Variants in COL5A2 observed in about 807,000 individuals in gnomAD.
COL5A2 encodes the protein collagen type V alpha 2 chain.
COL5A2 carries 23 observed loss-of-function variants against 208.2 expected under a neutral mutation model. The observed-to-expected ratio is 0.11, with a 90% CI of 0.08 to 0.16. The LOEUF is 0.16. Among genes scored for constraint, COL5A2 ranks in the 10% least tolerant of loss-of-function variants. COL5A2 has a pLI of 1.00. For synonymous variants in COL5A2, 625 were observed against 628.5 expected (o/e 0.99, Z 0.08); for missense variants, 1,590 against 1,956.4 (o/e 0.81, Z 3.53).
chr2:189,110,298 G>A lies in COL5A2; in HGVS notation c.249C>T (p.Ala83=), dbSNP rs142388534. ...ATTCCCCAGGGGGCGTTACAGGGTC[G>A]GCACAGTCCAGCACATCCTGGCATT... ...KIECQDVLDC[A]DPVTPPGECC... The change falls in exon 2 of 54, where the codon GCC becomes GCT. Residue 83 remains alanine (A), a synonymous_variant. Coordinates refer to ENST00000374866, the MANE Select transcript of COL5A2 (RefSeq NM_000393.5). The A allele has an allele frequency of 1.3e-3, 2,167 of 1,614,060 alleles. 22 individuals carry two copies. In the African/African-American group the frequency reaches 0.022, roughly 17 times the overall value.
the COL5A2 span, among the ~76,000 whole-genome samples, chr2:189,396,593 G>T: frequency 2.0e-5 from 3 of 151,062 alleles, no homozygotes; most frequent in Admixed American, 2.0e-4. Context: ...AGAATGGCGT[G>T]AACCCGGGAG....
chr2:189,189,069 C>T (rs1688891696), intron 1 of COL5A2, among the ~76,000 whole-genome samples: 1 of 152,096 alleles, frequency 6.6e-6, no homozygotes, highest in Non-Finnish European at 1.5e-5. Flanking sequence ...GAGAGAAAAA[C>T]AGAATTTTAT....
intron 1 of COL5A2, among the ~76,000 whole-genome samples, chr2:189,210,505 C>T (rs954557434): frequency 6.8e-6 from 1 of 147,434 alleles, no homozygotes; most frequent in African/African-American, 2.5e-5. Flanking sequence ...GAATTTCTGA[C>T]TCACCAGAAT....
chr2:189,257,017 T>C, the COL5A2 span, among the ~76,000 whole-genome samples: 3 of 152,244 alleles, frequency 2.0e-5, no homozygotes, highest in African/African-American at 7.2e-5. Context: ...TTGCAAGGTT[T>C]CCTATTATAA....
chr2:189,252,355 A>T, the COL5A2 span, among the ~76,000 whole-genome samples: 1 of 152,252 alleles, frequency 6.6e-6, no homozygotes, highest in South Asian at 2.1e-4. Context: ...AAGACTTGGA[A>T]CCAATCCAAA....
chr2:189,245,398 T>C, the COL5A2 span, among the ~76,000 whole-genome samples: 1 of 152,182 alleles, frequency 6.6e-6, no homozygotes, highest in Non-Finnish European at 1.5e-5. Flanking sequence ...AACTTAGTGA[T>C]AGTTAATTTA....
At chr2:189,318,436 T>G in the COL5A2 span, among the ~76,000 whole-genome samples, 1 of 152,178 alleles carries the variant, frequency 6.6e-6, no homozygotes, top group South Asian at 2.1e-4. Context: ...TCCCTCTACA[T>G]GCCTTATTCT....
At chr2:189,408,225 T>C in the COL5A2 span, among the ~76,000 whole-genome samples, 1 of 152,090 alleles carries the variant, frequency 6.6e-6, no homozygotes, top group Non-Finnish European at 1.5e-5. Flanking sequence ...AAAACTTCAG[T>C]AAAAATAATA....
intron 46 of COL5A2, 117 bp downstream of exon 46, chr2:189,045,683 T>G: frequency 4.9e-6 from 4 of 824,110 alleles, no homozygotes; most frequent in Non-Finnish European, 8.3e-6. Context: ...TACCATTCAT[T>G]ATTTAGAGTC....
the COL5A2 span, among the ~76,000 whole-genome samples, chr2:189,325,951 G>T: frequency 6.6e-6 from 1 of 151,976 alleles, no homozygotes; most frequent in Admixed American, 6.6e-5. Context: ...ACAAAAATTA[G>T]TCCGGCATAG....
chr2:189,208,691 G>A (rs1417617867), intron 1 of COL5A2, among the ~76,000 whole-genome samples: 1 of 152,204 alleles, frequency 6.6e-6, no homozygotes, highest in East Asian at 1.9e-4. Flanking sequence ...AGAAGCCACT[G>A]GATGTGAAAG....
Position 189,033,303 on chromosome 2 carries a change from T to C in COL5A2, c.*767A>G, listed in dbSNP as rs1287206760. 6.5e-6 allele frequency: 1 copy of C among 152,712 alleles called. No individual in the cohort carries two copies. The highest frequency in any genetic ancestry group is 1.5e-5 in the Non-Finnish European group (1 of 68,094). 9.5% of individuals were successfully genotyped at this position (152,712 alleles called of 1,614,324 possible). A position where few individuals can be genotyped will look rare whatever the true frequency, so the allele number is the denominator to read the frequency against. The stretch of plus-strand genomic sequence containing the variant: ...AAATGGTATATACTAGTGTGACTTC[T>C]ATCAATATTGATAGATTGATCAAGA... On this transcript the variant is annotated 3_prime_UTR_variant, in exon 54 of 54. Transcript: ENST00000374866.
At chr2:189,067,232 G>A (rs1266680092) in intron 21 of COL5A2, among the ~76,000 whole-genome samples, 5 of 151,984 alleles carry the variant, frequency 3.3e-5, no homozygotes, top group Admixed American at 3.3e-4. Flanking sequence ...CTTCAAATAG[G>A]GCATTTCACT....
upstream of COL5A2, among the ~76,000 whole-genome samples, chr2:189,227,033 C>T (rs1283796844): frequency 6.6e-6 from 1 of 152,154 alleles, no homozygotes; most frequent in Non-Finnish European, 1.5e-5. Context: ...GAAATCTACA[C>T]ATGCAAAGCC....
chr2:189,352,523 T>C, the COL5A2 span, among the ~76,000 whole-genome samples: 1 of 152,234 alleles, frequency 6.6e-6, no homozygotes, highest in Non-Finnish European at 1.5e-5. Context: ...CATTGTGATT[T>C]TGATTTGCAT....
chr2:189,287,862 T>C, the COL5A2 span, among the ~76,000 whole-genome samples: 1 of 152,218 alleles, frequency 6.6e-6, no homozygotes, highest in South Asian at 2.1e-4. Context: ...AAATCCACTT[T>C]GGTTTTATCT....
At chr2:189,303,674 G>C in the COL5A2 span, among the ~76,000 whole-genome samples, 1 of 152,162 alleles carries the variant, frequency 6.6e-6, no homozygotes, top group African/African-American at 2.4e-5. Context: ...AACAATAGCT[G>C]AGTGTTGGCC....
chr2:189,096,206 G>A lies in COL5A2; in HGVS notation c.456+1071C>T, dbSNP rs574767019. On this transcript the variant is annotated intron_variant, in intron 6 of 53. Transcript: ENST00000374866. ...TCTTCTAATCCTCCCATTTAAATAT[G>A]GATAAATATATATTTAAAAGGATAA... The A allele has an allele frequency of 1.2e-4, 18 of 151,704 alleles. No homozygotes were observed. The South Asian group carries it at 2.7e-3, about 23-fold the overall frequency. 9.4% of individuals were successfully genotyped at this position (151,704 alleles called of 1,614,324 possible). A position where few individuals can be genotyped will look rare whatever the true frequency, so the allele number is the denominator to read the frequency against.
At chr2:189,346,297 A>G in the COL5A2 span, among the ~76,000 whole-genome samples, 2 of 152,316 alleles carry the variant, frequency 1.3e-5, no homozygotes, top group African/African-American at 4.8e-5. Context: ...AGTATGAGCT[A>G]AACAAGGATA....
Sources: gnomAD v4.1 joint callset for allele counts (sites outside exome capture counted in the v4.1 genomes callset) on GRCh38, gnomAD v4.1.1 for gene constraint, MANE v1.5 for transcripts, NCBI Gene and HGNC (gene_info 2026-07-23, HGNC 2026-07-21) for gene names.